TOPORS: variants seen among roughly 807,000 people sequenced by gnomAD.
TOPORS encodes E3 ubiquitin-protein ligase Topors.
In TOPORS, 25 loss-of-function variants were observed where a neutral mutation model predicts 81.4. That is an observed-to-expected ratio of 0.31 (90% CI 0.22 to 0.43). The LOEUF is 0.43. TOPORS is among the 20% of genes least tolerant of loss of function. The pLI, the probability that TOPORS is intolerant of heterozygous loss-of-function variation, is 1.00. For synonymous variants in TOPORS, 473 were observed against 456.6 expected, an observed-to-expected ratio of 1.04 and a Z score of -0.46; for missense variants, 1,101 against 1,267.0, an observed-to-expected ratio of 0.87 and a Z score of 1.99.
Position 32,542,401 on chromosome 9 carries a change from A to G in TOPORS, c.2124T>C (p.Ser708=). 6.2e-7 allele frequency: 1 copy of G among 1,613,894 alleles called. No homozygotes were observed. Among genetic ancestry groups the G allele is most frequent in the Non-Finnish European group, 8.5e-7 (1 of 1,179,998 alleles). Reference sequence around the variant, plus strand: ...CGTACCCATCCCTGTCCTTGTTTCTACTGTAATAAGTATACTCCCATTTGT... The same window carrying G: ...CGTACCCATCCCTGTCCTTGTTTCTGCTGTAATAAGTATACTCCCATTTGT... ...SRYKWEYTYY[S]RNKDRDGYES... The change falls in exon 3 of 3, where the codon AGT becomes AGC. Residue 708 remains serine (S), a synonymous_variant. Coordinates refer to ENST00000360538, the MANE Select transcript of TOPORS (RefSeq NM_005802.5).
intron 1 of TOPORS, chr9:32,551,188 T>A (rs1476430726): frequency 3.2e-6 from 2 of 623,576 alleles, no homozygotes; most frequent in Non-Finnish European, 5.7e-6. Flanking sequence ...ACCCTCCCCA[T>A]CTTGTTACTG....
intron 2 of TOPORS, among the ~76,000 whole-genome samples, chr9:32,549,589 G>T (rs918231254): frequency 1.3e-5 from 2 of 152,124 alleles, no homozygotes; most frequent in African/African-American, 2.4e-5. Context: ...ACTCAACAAT[G>T]TTCTCTATGT....
In TOPORS at chr9:32,542,205, T is replaced by C; in HGVS notation, c.2320A>G (p.Ser774Gly). ...YERHRSRSLS[S>G]NRSRTASTGT... ...GTAGATGCAGTCCTTGATCTGTTACTAGACAGGCTCCTTGATCTGTGCCTT... is the reference window on the plus strand; with the variant it reads ...GTAGATGCAGTCCTTGATCTGTTACCAGACAGGCTCCTTGATCTGTGCCTT... Residue 774 changes from serine (S) to glycine (G), a missense_variant, in exon 3 of 3, where the codon AGT (serine) becomes GGT (glycine). Physicochemically the swap from Ser to Gly is moderately conservative, Grantham distance 56. Transcript: ENST00000360538. 6.2e-7 allele frequency: 1 copy of C among 1,614,246 alleles called. No individual in the cohort carries two copies. The highest frequency in any genetic ancestry group is 8.5e-7 in the Non-Finnish European group (1 of 1,180,046).
chr9:32,550,819 C>T lies in TOPORS; in HGVS notation c.153G>A (p.Glu51=), dbSNP rs1366648700. 5.0e-6 allele frequency: 8 copies of T among 1,612,714 alleles called. No homozygotes were observed. In the South Asian group the frequency reaches 8.8e-5, roughly 18 times the overall value. The change falls in exon 2 of 3, where the codon GAG becomes GAA. Residue 51 remains glutamate (E), a synonymous_variant. Transcript: ENST00000360538. The part of the protein sequence containing the change: ...RHRPSFLGCR[E]LAASAPARPA... ...GCCTGGCTGGGGCGCTCGCCGCGAGCTCCCGGCAGCCCAGAAAGCTAGGTC... is the reference window on the plus strand; with the variant it reads ...GCCTGGCTGGGGCGCTCGCCGCGAGTTCCCGGCAGCCCAGAAAGCTAGGTC...
intron 2 of TOPORS, among the ~76,000 whole-genome samples, 155 bp downstream of exon 2, chr9:32,550,619 G>A (rs1336498130): frequency 6.6e-6 from 1 of 152,146 alleles, no homozygotes; most frequent in Non-Finnish European, 1.5e-5. Flanking sequence ...GCGCGCAGGA[G>A]CCGCTCGGGG....
rs1821108990 is a variant in TOPORS, at chr9:32,543,942, G to A, written c.583C>T (p.Pro195Ser). Residue 195 changes from proline to serine, a missense_variant, in exon 3 of 3, where the codon CCT (proline) becomes TCT (serine). Coordinates refer to ENST00000360538, the MANE Select transcript of TOPORS (RefSeq NM_005802.5). The surrounding 1 kb of genome is among the most constrained non-coding windows in gnomAD (Gnocchi z 5.6). ...TRERNASVYS[P>S]SGPVNRRTTT... Reference sequence around the variant, plus strand: ...GTTCTTCTGTTCACAGGACCACTAGGTGAATACACAGAAGCATTTCGTTCC... The same window carrying A: ...GTTCTTCTGTTCACAGGACCACTAGATGAATACACAGAAGCATTTCGTTCC... The A allele has an allele frequency of 6.2e-7, 1 of 1,614,082 alleles. No individual in the cohort carries two copies. The highest frequency in any genetic ancestry group is 8.5e-7 in the Non-Finnish European group (1 of 1,180,002).
rs775554050 is a variant in TOPORS at position 32,542,615 on chromosome 9, G to C, written c.1910C>G (p.Pro637Arg). The C allele has an allele frequency of 3.7e-6, 6 of 1,613,860 alleles. No homozygotes were observed. The highest frequency in any genetic ancestry group is 5.1e-6 in the Non-Finnish European group (6 of 1,179,978). Residue 637 changes from proline to arginine, a missense_variant, in exon 3 of 3, where the codon CCT (proline) becomes CGT (arginine). Transcript: ENST00000360538. ...TCTCTTTTTGTCTCTTCTCCCTCTA[G>C]GTCTGCTACTTTCCCTGCTTCTGGA... ...KRSRSRESSRPRGRRDKKRSR... is the reference protein window; with the variant it reads ...KRSRSRESSRRRGRRDKKRSR...
At chr9:32,545,475 T>A (rs1821129118) in intron 2 of TOPORS, among the ~76,000 whole-genome samples, 1 of 151,576 alleles carries the variant, frequency 6.6e-6, no homozygotes, top group Admixed American at 6.6e-5. Flanking sequence ...TATTGACTAT[T>A]GGGGAGTCAG....
intron 1 of TOPORS, chr9:32,551,314 A>C: frequency 2.2e-6 from 1 of 450,020 alleles, no homozygotes; most frequent in Non-Finnish European, 4.2e-6. Context: ...TTAGGAAATT[A>C]TCTTTAGTGT....
At chr9:32,551,036 AG>A in intron 1 of TOPORS, 68 bp from the exon 2 acceptor site, 1 of 1,550,984 alleles carries the variant, frequency 6.4e-7, no homozygotes, top group Non-Finnish European at 8.7e-7. Context: ...CCCACCCCCC[AG>A]CTCCCGCGCA....
At chr9:32,546,994 C>T (rs1365843636) in intron 2 of TOPORS, among the ~76,000 whole-genome samples, 1 of 152,074 alleles carries the variant, frequency 6.6e-6, no homozygotes, top group Non-Finnish European at 1.5e-5. Flanking sequence ...GCCATAATTG[C>T]ACCACCTCAC....
Position 32,550,791 on chromosome 9 carries a change from C to T in TOPORS, c.181G>A (p.Ala61Thr), listed in dbSNP as rs1821227724. ...TCACTCACCTCGGAGGATGCCGGCG[C>T]AGGCCTGGCTGGGGCGCTCGCCGCG... ...ELAASAPARP[A>T]PASSEIMASA... Residue 61 changes from alanine to threonine, a missense_variant, in exon 2 of 3, where the codon GCG becomes ACG. Physicochemically the swap from Ala to Thr is moderately conservative, Grantham distance 58. Around this residue, in one of 9 missense-constraint regions of TOPORS, gnomAD observed 131 missense variants for 101.0 expected, o/e 1.30. Coordinates refer to ENST00000360538, the MANE Select transcript of TOPORS (RefSeq NM_005802.5). The T allele has an allele frequency of 4.3e-6, 7 of 1,612,902 alleles. No homozygotes were observed. The highest frequency in any genetic ancestry group is 5.9e-6 in the Non-Finnish European group (7 of 1,179,696).
chr9:32,547,729 T>G (rs561107794), intron 2 of TOPORS, among the ~76,000 whole-genome samples: 2 of 152,206 alleles, frequency 1.3e-5, no homozygotes, highest in Non-Finnish European at 2.9e-5. Flanking sequence ...GATGAAAACG[T>G]TCTACAATTA....
rs1396265197 is a variant in TOPORS, at chr9:32,543,346, T to C, written c.1179A>G (p.Thr393=). 1.2e-6 allele frequency: 2 copies of C among 1,614,036 alleles called. No individual in the cohort carries two copies. Among genetic ancestry groups the C allele is most frequent in the Non-Finnish European group, 1.7e-6 (2 of 1,180,032 alleles). The change falls in exon 3 of 3, where the codon ACA becomes ACG. Residue 393 remains threonine (T), a synonymous_variant. Coordinates refer to ENST00000360538, the MANE Select transcript of TOPORS (RefSeq NM_005802.5). This position sits in a 1 kb window ranked among gnomAD's most constrained non-coding sequence, Gnocchi z 5.6. ...GGGTCTCAGCCTCATCTGGAGATATTGTTATGACTGAAGAATCAGAATGGC... is the reference window on the plus strand; with the variant it reads ...GGGTCTCAGCCTCATCTGGAGATATCGTTATGACTGAAGAATCAGAATGGC... ...EGSHSDSSVI[T]ISPDEAETQE...
At chr9:32,546,915 G>A (rs1390975164) in intron 2 of TOPORS, among the ~76,000 whole-genome samples, 1 of 152,210 alleles carries the variant, frequency 6.6e-6, no homozygotes, top group Non-Finnish European at 1.5e-5. Flanking sequence ...GGGCACACCT[G>A]TAGTCCCAGC....
intron 1 of TOPORS, 164 bp from the exon 2 acceptor site, chr9:32,551,132 T>G (rs1486384892): frequency 2.4e-6 from 2 of 840,218 alleles, no homozygotes; most frequent in South Asian, 3.2e-5. Context: ...CCGGCCCAAA[T>G]GCGGCCCCTC....
In TOPORS at chr9:32,541,177, A is replaced by G; in HGVS notation, c.*210T>C. ...AGCTGCTAGCAGTATCATTTTCTTCACTTAAAAGTGCATATCTTTGAGGGT... is the reference window on the plus strand; with the variant it reads ...AGCTGCTAGCAGTATCATTTTCTTCGCTTAAAAGTGCATATCTTTGAGGGT... On this transcript the variant is annotated 3_prime_UTR_variant, in exon 3 of 3. Transcript: ENST00000360538. The G allele has an allele frequency of 2.1e-6, 1 of 482,268 alleles. No individual in the cohort carries two copies. The highest frequency in any genetic ancestry group is 3.7e-6 in the Non-Finnish European group (1 of 271,216). 29.9% of individuals were successfully genotyped at this position (482,268 alleles called of 1,614,324 possible).
rs1420303241 is a variant in TOPORS, at chr9:32,543,463, T to C, written c.1062A>G (p.Glu354=). ...LLNRTEHFIH[E]FISFARSPFN... is the part of the protein sequence containing the mutation. Reference sequence around the variant, plus strand: ...AAGGAGATCGGGCAAAACTGATAAATTCATGTATAAAATGCTCAGTTCGAT... The same window carrying C: ...AAGGAGATCGGGCAAAACTGATAAACTCATGTATAAAATGCTCAGTTCGAT... The change falls in exon 3 of 3, where the codon GAA becomes GAG. Residue 354 remains glutamate (E), a synonymous_variant. Coordinates refer to ENST00000360538, the MANE Select transcript of TOPORS (RefSeq NM_005802.5). The surrounding 1 kb of genome is among the most constrained non-coding windows in gnomAD (Gnocchi z 5.6). 6.2e-7 allele frequency: 1 copy of C among 1,613,912 alleles called. No homozygotes were observed. Among genetic ancestry groups the C allele is most frequent in the Non-Finnish European group, 8.5e-7 (1 of 1,180,002 alleles).
chr9:32,542,917 G>C lies in TOPORS; in HGVS notation c.1608C>G (p.His536Gln). 1 of 1,614,154 alleles carries C rather than the reference G, an allele frequency of 6.2e-7. No individual in the cohort carries two copies. Reference sequence around the variant, plus strand: ...TTTGTTCATCCTTTCCAAGGACAGAGTGTGGAGATGAGCATCTACTAACAT... The same window carrying C: ...TTTGTTCATCCTTTCCAAGGACAGACTGTGGAGATGAGCATCTACTAACAT... ...DSDVSRCSSP[H>Q]SVLGKDEQIN... Residue 536 changes from histidine (H) to glutamine (Q), a missense_variant, in exon 3 of 3, where the codon CAC becomes CAG. Around this residue, in one of 9 missense-constraint regions of TOPORS, gnomAD observed 605 missense variants for 636.1 expected, o/e 0.95. Transcript: ENST00000360538.
Sources: allele counts gnomAD v4.1 joint callset (sites outside exome capture counted in the v4.1 genomes callset), GRCh38; gene constraint gnomAD v4.1.1; regional missense constraint gnomAD v4.1.1; non-coding constraint Gnocchi (gnomAD v3.1); transcripts MANE v1.5; gene names NCBI Gene and HGNC (gene_info 2026-07-23, HGNC 2026-07-21).